JARID2: variants seen among roughly 807,000 people sequenced by gnomAD.
JARID2 encodes protein Jumonji.
JARID2 carries 21 observed loss-of-function variants against 125.6 expected under a neutral mutation model. The ratio of observed to expected loss-of-function variants is 0.17; its 90% CI spans 0.12 to 0.24. JARID2 has a LOEUF of 0.24. JARID2 is among the 10% of genes least tolerant of loss of function. The pLI is 1.00. For missense variants in JARID2, 1,303 were observed against 1,639.6 expected (o/e 0.79, Z 3.55); for synonymous variants, 736 against 661.6 (o/e 1.11, Z -1.73).
chr6:15,332,049 C>T (rs941167110), intron 1 of JARID2, among the ~76,000 whole-genome samples: 11 of 152,088 alleles, frequency 7.2e-5, no homozygotes, highest in East Asian at 1.9e-4. Context: ...CTGATGCCCT[C>T]AGAAAGTCTG....
At chr6:15,507,456 C>T (rs1307301347) in intron 11 of JARID2, 40 bp downstream of exon 11, 1 of 1,556,636 alleles carries the variant, frequency 6.4e-7, no homozygotes, top group African/African-American at 1.4e-5. Flanking sequence ...GCAGCTGTGT[C>T]CATGAGTCCT....
At chr6:15,468,786 C>T (rs1768873866) in intron 5 of JARID2, 68 bp downstream of exon 5, 1 of 1,487,530 alleles carries the variant, frequency 6.7e-7, no homozygotes, top group Admixed American at 2.0e-5. Context: ...AAGAGAGCCT[C>T]TGCTGAGAAG....
At chr6:15,250,527 C>T (rs1211370719) in intron 1 of JARID2, among the ~76,000 whole-genome samples, 2 of 152,086 alleles carry the variant, frequency 1.3e-5, no homozygotes, top group East Asian at 1.9e-4. Flanking sequence ...CAGTTTAGCT[C>T]CTATCACTGT....
intron 1 of JARID2, among the ~76,000 whole-genome samples, chr6:15,262,712 AT>A (rs1213249324): frequency 6.6e-6 from 1 of 151,668 alleles, no homozygotes; most frequent in Non-Finnish European, 1.5e-5. Flanking sequence ...TAATTTTTGT[AT>A]TCTTAGTAGA....
chr6:15,373,933 T>G (rs1183676195), intron 1 of JARID2, among the ~76,000 whole-genome samples, 184 bp from the exon 2 acceptor site: 1 of 152,230 alleles, frequency 6.6e-6, no homozygotes, highest in Admixed American at 6.5e-5. Context: ...GATTCACTTT[T>G]CTTTGAGGCC....
chr6:15,411,185 GAAA>G (rs3839643), intron 3 of JARID2, among the ~76,000 whole-genome samples: 4 of 150,444 alleles, frequency 2.7e-5, no homozygotes, highest in African/African-American at 7.3e-5. Context: ...TGAAGGAAAA[GAAA>G]AAAAAAATCC....
In JARID2 at chr6:15,521,933, AG is replaced by A. The variant is rs1470316526; in HGVS notation, c.*1685del. On this transcript the variant is annotated 3_prime_UTR_variant, in exon 18 of 18. Transcript: ENST00000341776. ...CGCTGCTCTGCACCCCTCCCTTGGG[AG>A]GGAGACTTCATGTGGTTTATTGCGA... The A allele has an allele frequency of 6.6e-6, 1 of 152,260 alleles. No individual in the cohort carries two copies. The highest frequency in any genetic ancestry group is 1.9e-4 in the East Asian group (1 of 5,176). The allele number at this position is 152,260 out of a possible 1,614,324, so 9.4% of individuals were successfully genotyped here. A position where few individuals can be genotyped will look rare whatever the true frequency, so the allele number is the denominator to read the frequency against.
intron 1 of JARID2, among the ~76,000 whole-genome samples, chr6:15,329,312 G>A (rs1463254147): frequency 6.6e-6 from 1 of 152,038 alleles, no homozygotes. Context: ...CCTGCAATGA[G>A]TGAGTTGGGG....
At chr6:15,413,083 G>A (rs542265534) in intron 3 of JARID2, among the ~76,000 whole-genome samples, 5 of 133,918 alleles carry the variant, frequency 3.7e-5, no homozygotes, top group Non-Finnish European at 4.6e-5. Context: ...GCAATGGTGC[G>A]ATCTCGGCTC....
intron 1 of JARID2, among the ~76,000 whole-genome samples, chr6:15,327,470 G>C (rs1368826812): frequency 2.0e-5 from 3 of 152,122 alleles, no homozygotes; most frequent in Non-Finnish European, 4.4e-5. Context: ...ATGGCATCTA[G>C]GGCAGGTATA....
At chr6:15,361,894 T>TCCC (rs1561814135) in intron 1 of JARID2, among the ~76,000 whole-genome samples, 2 of 86,532 alleles carry the variant, frequency 2.3e-5, no homozygotes, top group African/African-American at 9.0e-5. Flanking sequence ...GGAGCCCCCT[T>TCCC]TTTTTTTTTT....
chr6:15,250,216 A>G lies in JARID2; in HGVS notation c.45+3632A>G, dbSNP rs114836551. On this transcript the variant is annotated intron_variant, in intron 1 of 17. Transcript: ENST00000341776. ...AAAGTGTATGATTTAAAAATTGGAA[A>G]AAGTTTTTGTTATAAGCTTCAAAAG... is the stretch of plus-strand genomic sequence containing the variant. Among the ~76,000 whole-genome samples, 457 of 152,366 alleles carry G rather than the reference A, an allele frequency of 3.0e-3. 3 individuals carry two copies. The highest frequency in any genetic ancestry group is 0.01 in the African/African-American group (425 of 41,584).
At chr6:15,503,320 C>T (rs1055646236) in intron 8 of JARID2, among the ~76,000 whole-genome samples, 12 of 152,314 alleles carry the variant, frequency 7.9e-5, no homozygotes, top group South Asian at 2.1e-4. Context: ...CTATCAGGAG[C>T]GGCTTGGAAT....
intron 1 of JARID2, among the ~76,000 whole-genome samples, chr6:15,329,903 A>G (rs972170167): frequency 6.6e-6 from 1 of 152,190 alleles, no homozygotes; most frequent in Non-Finnish European, 1.5e-5. Context: ...CATATCTCAT[A>G]TATTTCTTTA....
chr6:15,468,090 T>C (rs959676790), intron 4 of JARID2, among the ~76,000 whole-genome samples: 1 of 151,902 alleles, frequency 6.6e-6, no homozygotes, highest in Non-Finnish European at 1.5e-5. Context: ...CCATAAGGAA[T>C]GAATATTCCT....
chr6:15,496,205 A>G lies in JARID2; in HGVS notation c.980A>G (p.Glu327Gly), dbSNP rs1366548978. ...GTAACCAGTGCCAAAAAGATGCGCG[A>G]GGTCAGACCTTCACCATCCAAAACT... ...AGVTSAKKMR[E>G]VRPSPSKTVK... The change falls in exon 7 of 18, where the codon GAG becomes GGG. Residue 327 changes from glutamate (E) to glycine (G), a missense_variant. Around this residue, in one of 11 missense-constraint regions of JARID2, gnomAD observed 651 missense variants for 581.6 expected, o/e 1.12. Coordinates refer to ENST00000341776, the MANE Select transcript of JARID2 (RefSeq NM_004973.4). 2.5e-6 allele frequency: 4 copies of G among 1,614,028 alleles called. No homozygotes were observed. In the African/African-American group the frequency reaches 4.0e-5, roughly 16 times the overall value.
At chr6:15,317,818 G>T (rs1028410908) in intron 1 of JARID2, among the ~76,000 whole-genome samples, 2 of 152,182 alleles carry the variant, frequency 1.3e-5, no homozygotes, top group Admixed American at 6.5e-5. Context: ...CAGCTGGCGC[G>T]TGGAGAGCCG....
chr6:15,321,661 G>T (rs751062229), intron 1 of JARID2, among the ~76,000 whole-genome samples: 1 of 151,938 alleles, frequency 6.6e-6, no homozygotes, highest in East Asian at 1.9e-4. Flanking sequence ...CTCTTCTTTG[G>T]GTCAGTGGCT....
intron 3 of JARID2, among the ~76,000 whole-genome samples, chr6:15,424,133 CT>C (rs66481311): frequency 0.024 from 3,319 of 141,016 alleles, 35 homozygotes; most frequent in African/African-American, 0.031. Context: ...CTGGCTGCCT[CT>C]TTTTTTTTTT....
Sources: allele counts gnomAD v4.1 joint callset (sites outside exome capture counted in the v4.1 genomes callset), GRCh38; gene constraint gnomAD v4.1.1; regional missense constraint gnomAD v4.1.1; transcripts MANE v1.5; gene names NCBI Gene and HGNC (gene_info 2026-07-23, HGNC 2026-07-21).